FARP1: variants seen among roughly 807,000 people sequenced by gnomAD.
FARP1 encodes FERM, ARHGEF and pleckstrin domain-containing protein 1.
In FARP1, 52 loss-of-function variants were observed where a neutral mutation model predicts 128.8. That is an observed-to-expected ratio of 0.40 (90% CI 0.32 to 0.51). FARP1 has a LOEUF of 0.51. FARP1 is among the 20% of genes least tolerant of loss of function. The pLI, the probability that FARP1 is intolerant of heterozygous loss-of-function variation, is 0.45. For synonymous variants in FARP1, 580 were observed against 551.8 expected (o/e 1.05, Z -0.72); for missense variants, 1,333 against 1,367.9 (o/e 0.97, Z 0.40).
intron 13 of FARP1, chr13:98,402,643 C>T (rs920379930): frequency 2.0e-5 from 3 of 152,092 alleles, no homozygotes; most frequent in African/African-American, 7.2e-5. Context: ...ATAGGTCTTC[C>T]TTAGTTAAGG....
rs1566329055 is a variant in FARP1, at chr13:98,446,661, T to G, written c.2905-5T>G. 6.2e-7 allele frequency: 1 copy of G among 1,613,852 alleles called. No individual in the cohort carries two copies. Among genetic ancestry groups the G allele is most frequent in the African/African-American group, 1.3e-5 (1 of 74,890 alleles). ...AAGCCACTTTGCTTTGTTTCCCCTTTCCAGGACAATCATCCCCTTGCCAGC... is the reference window on the plus strand; with the variant it reads ...AAGCCACTTTGCTTTGTTTCCCCTTGCCAGGACAATCATCCCCTTGCCAGC... On this transcript the variant is annotated splice_region_variant and splice_polypyrimidine_tract_variant and intron_variant, in intron 25 of 26. Transcript: ENST00000319562.
chr13:98,383,898 G>A (rs1211579623), intron 6 of FARP1: 1 of 152,174 alleles, frequency 6.6e-6, no homozygotes, highest in African/African-American at 2.4e-5. Flanking sequence ...ACTACGAAAA[G>A]TTTAATAAAC....
chr13:98,183,277 A>T (rs1264443147), intron 1 of FARP1, among the ~76,000 whole-genome samples: 2 of 150,882 alleles, frequency 1.3e-5, no homozygotes, highest in African/African-American at 2.4e-5. Flanking sequence ...CATTCTGGAT[A>T]TTTTTTTTTC....
intron 2 of FARP1, 146 bp downstream of exon 2, chr13:98,213,559 C>G: frequency 2.6e-6 from 2 of 778,824 alleles, no homozygotes; most frequent in Admixed American, 2.9e-5. Flanking sequence ...CCCCAATGGC[C>G]CCGCTGACCC....
chr13:98,419,481 A>ATACACAC (rs1555294275), intron 16 of FARP1, among the ~76,000 whole-genome samples: 1 of 64,858 alleles, frequency 1.5e-5, no homozygotes, highest in Non-Finnish European at 2.9e-5. Flanking sequence ...TCCAAAAAAA[A>ATACACAC]ATACACACAC....
At chr13:98,270,721 A>G in intron 2 of FARP1, among the ~76,000 whole-genome samples, 1 of 152,224 alleles carries the variant, frequency 6.6e-6, no homozygotes. Context: ...GCACATGGCT[A>G]ACTTTATGTC....
intron 2 of FARP1, among the ~76,000 whole-genome samples, chr13:98,322,705 A>C (rs934518918): frequency 6.6e-6 from 1 of 152,234 alleles, no homozygotes; most frequent in Non-Finnish European, 1.5e-5. Flanking sequence ...ATTATCCAAG[A>C]ATCACAGCTC....
chr13:98,378,949 TATATATATAATATATA>T lies in FARP1; in HGVS notation c.496+1032_496+1047del, dbSNP rs1566934410. ...TATACAATATATAATCTATATATAA[TATATATATAATATATA>T]CAATATATAATCTATATATAATATA... is the stretch of plus-strand genomic sequence containing the variant. On this transcript the variant is annotated intron_variant, in intron 6 of 26. Coordinates refer to ENST00000319562, the MANE Select transcript of FARP1 (RefSeq NM_005766.4). Among the ~76,000 whole-genome samples the T allele has an allele frequency of 2.2e-4, 24 of 110,684 alleles. 6 individuals are homozygous for T. The highest frequency in any genetic ancestry group is 8.3e-4 in the African/African-American group (22 of 26,440). The allele number at this position is 110,684 out of a possible 152,430, so 72.6% of individuals were successfully genotyped here.
chr13:98,228,509 A>G (rs1435166870), intron 2 of FARP1, among the ~76,000 whole-genome samples: 9 of 152,094 alleles, frequency 5.9e-5, no homozygotes, highest in African/African-American at 2.2e-4. Flanking sequence ...GAAGTTTAAA[A>G]TTCAAGTTTC....
In FARP1 at chr13:98,431,378, G is replaced by A; in HGVS notation, c.2143+98G>A. The stretch of plus-strand genomic sequence containing the variant: ...GCCAGGGAGGGGCTCCCCGGGGAGA[G>A]AGGTCAGCTGATGCTGGGTCCCAGG... On this transcript the variant is annotated intron_variant, in intron 18 of 26. Transcript: ENST00000319562. 3 of 722,146 alleles carry A rather than the reference G, an allele frequency of 4.2e-6. No individual in the cohort carries two copies. In the Admixed American group the frequency reaches 8.5e-5, roughly 21 times the overall value. 44.7% of individuals were successfully genotyped at this position (722,146 alleles called of 1,614,324 possible).
At chr13:98,163,730 C>T (rs1416027843) in intron 1 of FARP1, among the ~76,000 whole-genome samples, 2 of 143,558 alleles carry the variant, frequency 1.4e-5, no homozygotes, top group Non-Finnish European at 3.0e-5. Context: ...TTTTTTGAGA[C>T]GGAGTTTCGC....
chr13:98,153,314 A>C (rs190312362), intron 1 of FARP1, among the ~76,000 whole-genome samples: 2 of 38,640 alleles, frequency 5.2e-5, no homozygotes, highest in African/African-American at 1.2e-4. Context: ...TTATATATAA[A>C]ATATATAAAT....
In FARP1 at chr13:98,213,130, C is replaced by T; in HGVS notation, c.-23-90C>T. 4 of 1,037,286 alleles carry T rather than the reference C, an allele frequency of 3.9e-6. No individual in the cohort carries two copies. In the South Asian group the frequency reaches 4.9e-5, roughly 13 times the overall value. 64.3% of individuals were successfully genotyped at this position (1,037,286 alleles called of 1,614,324 possible). ...ATTCCTGTGCAGGGGATGGAGCCCC[C>T]TGCCCACCTGGGTGGGGTTCAAGGT... On this transcript the variant is annotated intron_variant, in intron 1 of 26. Coordinates refer to ENST00000319562, the MANE Select transcript of FARP1 (RefSeq NM_005766.4).
At chr13:98,419,188 G>A (rs750571708) in intron 16 of FARP1, among the ~76,000 whole-genome samples, 4 of 152,086 alleles carry the variant, frequency 2.6e-5, no homozygotes, top group Non-Finnish European at 4.4e-5. Flanking sequence ...TACACAATAT[G>A]TTAGGTCAGG....
chr13:98,170,256 T>C (rs1238091269), intron 1 of FARP1, among the ~76,000 whole-genome samples: 1 of 152,152 alleles, frequency 6.6e-6, no homozygotes, highest in East Asian at 1.9e-4. Flanking sequence ...CGATCTCAGA[T>C]CATTGCAACC....
chr13:98,164,850 C>T (rs1271344094), intron 1 of FARP1, among the ~76,000 whole-genome samples: 2 of 151,876 alleles, frequency 1.3e-5, no homozygotes, highest in Non-Finnish European at 2.9e-5. Context: ...GAGGCCGAGG[C>T]GGGTGGATCA....
intron 2 of FARP1, among the ~76,000 whole-genome samples, chr13:98,286,774 C>T (rs533746521): frequency 8.1e-4 from 124 of 152,258 alleles, no homozygotes; most frequent in Non-Finnish European, 1.4e-3. Context: ...CCTACTTTGT[C>T]CCAGGCACTT....
chr13:98,406,547 T>G (rs1890979356), intron 13 of FARP1: 1 of 152,004 alleles, frequency 6.6e-6, no homozygotes, highest in African/African-American at 2.4e-5. Flanking sequence ...CCACCCTAAT[T>G]TTGTCGTTCC....
At chr13:98,281,599 G>A (rs1884940490) in intron 2 of FARP1, among the ~76,000 whole-genome samples, 2 of 152,068 alleles carry the variant, frequency 1.3e-5, no homozygotes, top group Admixed American at 1.3e-4. Flanking sequence ...CACTAAAAGT[G>A]GAGCATCAAA....
Sources: gnomAD v4.1 joint callset for allele counts (sites outside exome capture counted in the v4.1 genomes callset) on GRCh38, gnomAD v4.1.1 for gene constraint, MANE v1.5 for transcripts, NCBI Gene and HGNC (gene_info 2026-07-23, HGNC 2026-07-21) for gene names.